The following RGS7 variants were observed in gnomAD, a reference collection of about 807,000 sequenced individuals.
RGS7 encodes the protein regulator of G-protein signaling 7.
In RGS7, 27 loss-of-function variants were observed where a neutral mutation model predicts 81.1. That is an observed-to-expected ratio of 0.33 (90% CI 0.25 to 0.46). RGS7 has a LOEUF of 0.46. Ranked by LOEUF, RGS7 falls within the 20% of genes least tolerant of loss-of-function variation. The pLI, the probability that RGS7 is intolerant of heterozygous loss-of-function variation, is 1.00. For missense variants in RGS7, 396 were observed against 607.4 expected (o/e 0.65, Z 3.66); for synonymous variants, 208 against 207.7 (o/e 1.00, Z -0.01).
intron 2 of RGS7, among the ~76,000 whole-genome samples, chr1:241,174,707 A>G (rs1478721496): frequency 1.3e-5 from 2 of 152,108 alleles, no homozygotes; most frequent in Non-Finnish European, 2.9e-5. Flanking sequence ...AAGTTAGCAA[A>G]AAGTACGTAT....
chr1:241,262,896 C>T (rs140906233), intron 2 of RGS7, among the ~76,000 whole-genome samples: 8 of 151,984 alleles, frequency 5.3e-5, no homozygotes, highest in East Asian at 1.9e-4. Flanking sequence ...GTCAGGAGTT[C>T]GAGAGCAGCC....
intron 3 of RGS7, among the ~76,000 whole-genome samples, chr1:241,013,369 C>T (rs1374379897): frequency 6.6e-6 from 1 of 152,092 alleles, no homozygotes; most frequent in East Asian, 1.9e-4. Flanking sequence ...GGCCCTGATC[C>T]CTGCTTCGAG....
At chr1:240,925,573 C>G in intron 6 of RGS7, among the ~76,000 whole-genome samples, 1 of 152,222 alleles carries the variant, frequency 6.6e-6, no homozygotes, top group Admixed American at 6.5e-5. Flanking sequence ...TTGTGAATAT[C>G]GCTGTGATGA....
chr1:240,938,672 C>A (rs16841085), intron 4 of RGS7, among the ~76,000 whole-genome samples: 2,684 of 152,272 alleles, frequency 0.018, 79 homozygotes, highest in African/African-American at 0.057. Context: ...TAATAAAGAA[C>A]AACTGCCAAT....
chr1:241,323,720 T>C (rs1267163750), intron 2 of RGS7, among the ~76,000 whole-genome samples: 1 of 152,106 alleles, frequency 6.6e-6, no homozygotes, highest in Non-Finnish European at 1.5e-5. Context: ...CTGTCCGAGG[T>C]CCTGATACCC....
At chr1:241,279,386 A>G (rs754443013) in intron 2 of RGS7, among the ~76,000 whole-genome samples, 11 of 152,300 alleles carry the variant, frequency 7.2e-5, no homozygotes, top group Non-Finnish European at 1.5e-4. Flanking sequence ...AAACATGCTC[A>G]GTGTTGAAAT....
intron 2 of RGS7, among the ~76,000 whole-genome samples, chr1:241,216,010 G>C (rs1204861182): frequency 6.6e-6 from 1 of 152,192 alleles, no homozygotes; most frequent in Non-Finnish European, 1.5e-5. Flanking sequence ...GGTGGCTCAC[G>C]CCTGTCATCC....
chr1:241,298,558 A>G (rs1302985642), intron 2 of RGS7, among the ~76,000 whole-genome samples: 1 of 152,158 alleles, frequency 6.6e-6, no homozygotes, highest in Non-Finnish European at 1.5e-5. Context: ...ACCTTCTACC[A>G]TTGCTTCATT....
chr1:241,101,422 A>C (rs2064728605), intron 2 of RGS7, among the ~76,000 whole-genome samples: 1 of 152,062 alleles, frequency 6.6e-6, no homozygotes. Context: ...CCTGAACCCC[A>C]GAGGCAGAGC....
intron 4 of RGS7, among the ~76,000 whole-genome samples, chr1:240,970,509 T>A (rs781233280): frequency 3.3e-5 from 5 of 151,574 alleles, no homozygotes; most frequent in Non-Finnish European, 7.4e-5. Context: ...GTGGCTAGCT[T>A]CTAGGTTAAA....
chr1:240,826,482 A>G (rs1692856731), intron 10 of RGS7, among the ~76,000 whole-genome samples: 1 of 152,202 alleles, frequency 6.6e-6, no homozygotes, highest in Non-Finnish European at 1.5e-5. Flanking sequence ...AGCAGCACCA[A>G]TCTATAAGCT....
chr1:241,185,470 T>A (rs1435355729), intron 2 of RGS7, among the ~76,000 whole-genome samples: 1 of 152,120 alleles, frequency 6.6e-6, no homozygotes, highest in African/African-American at 2.4e-5. Context: ...ATAGAAGACA[T>A]GAACAACAGT....
intron 9 of RGS7, among the ~76,000 whole-genome samples, chr1:240,863,622 T>G (rs1662660945): frequency 6.6e-6 from 1 of 152,188 alleles, no homozygotes; most frequent in South Asian, 2.1e-4. Context: ...GGGTGTATAT[T>G]GTATAAACAT....
intron 2 of RGS7, among the ~76,000 whole-genome samples, chr1:241,267,267 G>A (rs1260518492): frequency 1.3e-5 from 2 of 152,100 alleles, no homozygotes; most frequent in East Asian, 1.9e-4. Flanking sequence ...TGCATGGAGG[G>A]GTCTGAGTAA....
At chr1:240,867,466 G>A (rs1308301216) in intron 9 of RGS7, among the ~76,000 whole-genome samples, 1 of 152,196 alleles carries the variant, frequency 6.6e-6, no homozygotes, top group African/African-American at 2.4e-5. Flanking sequence ...ATACGAGGTT[G>A]TCTTATAGTT....
At chr1:241,228,236 A>G (rs2075438314) in intron 2 of RGS7, among the ~76,000 whole-genome samples, 1 of 152,198 alleles carries the variant, frequency 6.6e-6, no homozygotes, top group Non-Finnish European at 1.5e-5. Context: ...ACAATGCCAA[A>G]ACACGTGAAT....
intron 6 of RGS7, among the ~76,000 whole-genome samples, chr1:240,894,597 C>A (rs569269109): frequency 1.5e-4 from 22 of 151,512 alleles, no homozygotes; most frequent in Admixed American, 6.6e-4. Flanking sequence ...TATTACAAAG[C>A]CTCTTTGGTT....
intron 9 of RGS7, among the ~76,000 whole-genome samples, chr1:240,831,295 A>T (rs1333924727): frequency 6.6e-6 from 1 of 152,248 alleles, no homozygotes; most frequent in Non-Finnish European, 1.5e-5. Flanking sequence ...TTAGAGGCCC[A>T]AAGTTGCCTG....
chr1:240,906,033 TC>T (rs1189057676), intron 6 of RGS7, among the ~76,000 whole-genome samples: 1 of 152,164 alleles, frequency 6.6e-6, no homozygotes, highest in Non-Finnish European at 1.5e-5. Flanking sequence ...CCCGGCATAG[TC>T]CTACCACCCA....
Sources: allele counts gnomAD v4.1 joint callset (sites outside exome capture counted in the v4.1 genomes callset), GRCh38; gene constraint gnomAD v4.1.1; transcripts MANE v1.5; gene names NCBI Gene and HGNC (gene_info 2026-07-23, HGNC 2026-07-21).